Variants in NEO1 observed in about 807,000 individuals in gnomAD.
The protein encoded by NEO1 is neogenin.
A neutral mutation model predicts 159.7 loss-of-function variants in NEO1; 63 were observed. The ratio of observed to expected loss-of-function variants is 0.39; its 90% CI spans 0.32 to 0.49. The LOEUF (loss-of-function observed/expected upper bound fraction) is 0.49, where lower values mean the gene tolerates loss of function less well. Among genes scored for constraint, NEO1 ranks in the 20% least tolerant of loss-of-function variants. NEO1 has a pLI of 0.85. For synonymous variants in NEO1, 633 were observed against 662.0 expected (o/e 0.96, Z 0.67); for missense variants, 1,615 against 1,831.0 (o/e 0.88, Z 2.15).
intron 5 of NEO1, among the ~76,000 whole-genome samples, chr15:73,137,230 C>T (rs1319223298): frequency 6.6e-6 from 1 of 151,934 alleles, no homozygotes; most frequent in Non-Finnish European, 1.5e-5. Context: ...TGTATGCTAT[C>T]TCATAGATAA....
Position 73,266,114 on chromosome 15 carries a change from C to T in NEO1, c.2399-202C>T, listed in dbSNP as rs144166696. Among the ~76,000 whole-genome samples, 771 of 152,276 alleles carry T rather than the reference C, an allele frequency of 5.1e-3. 3 individuals are homozygous for T. The highest frequency in any genetic ancestry group is 7.9e-3 in the African/African-American group (328 of 41,548). ...CCACCTCCTCTACTGAGACTAAATC[C>T]GGGAAGTTGGTCCCAGCCAGTTTTT... On this transcript the variant is annotated intron_variant, in intron 15 of 28. Coordinates refer to ENST00000261908, the MANE Select transcript of NEO1 (RefSeq NM_002499.4).
At chr15:73,127,054 A>AC (rs1335053679) in intron 4 of NEO1, among the ~76,000 whole-genome samples, 1 of 151,936 alleles carries the variant, frequency 6.6e-6, no homozygotes, top group African/African-American at 2.4e-5. Flanking sequence ...ACACGGTGAA[A>AC]CCCCGTCTCT....
At chr15:73,271,920 A>C (rs995769795) in intron 18 of NEO1, among the ~76,000 whole-genome samples, 2 of 152,046 alleles carry the variant, frequency 1.3e-5, no homozygotes, top group Non-Finnish European at 2.9e-5. Flanking sequence ...AAAAAAAAAA[A>C]AAAAACAGCT....
intron 28 of NEO1, 127 bp downstream of exon 28, chr15:73,301,584 T>A (rs773286481): frequency 2.2e-5 from 27 of 1,234,154 alleles, no homozygotes; most frequent in Admixed American, 6.6e-5. Flanking sequence ...GCAGATACAC[T>A]CATTCATTCA....
At chr15:73,142,653 G>T (rs972618138) in intron 5 of NEO1, among the ~76,000 whole-genome samples, 1 of 152,104 alleles carries the variant, frequency 6.6e-6, no homozygotes, top group African/African-American at 2.4e-5. Flanking sequence ...ACTGATGGAG[G>T]CAAAGGCTCC....
At chr15:73,142,560 G>A (rs2032494341) in intron 5 of NEO1, among the ~76,000 whole-genome samples, 2 of 151,984 alleles carry the variant, frequency 1.3e-5, no homozygotes, top group South Asian at 4.2e-4. Flanking sequence ...CTGGCCCAGG[G>A]ACAGATACCT....
chr15:73,175,434 C>T (rs1360423670), intron 5 of NEO1, among the ~76,000 whole-genome samples: 4 of 152,120 alleles, frequency 2.6e-5, no homozygotes, highest in African/African-American at 9.7e-5. Flanking sequence ...AGAAATCAGA[C>T]TTAAATAGAG....
chr15:73,205,391 G>T (rs1242438504), intron 7 of NEO1, among the ~76,000 whole-genome samples: 1 of 152,136 alleles, frequency 6.6e-6, no homozygotes, highest in Non-Finnish European at 1.5e-5. Flanking sequence ...CTCTAGCTGG[G>T]ATAAGCTTTC....
rs746535144 is a variant in NEO1, at chr15:73,122,810, C to G, written c.724+10C>G. On this transcript the variant is annotated intron_variant, in intron 3 of 28. Transcript: ENST00000261908. ...TTGAAGGTTCTTCCAGGTATTAACT[C>G]ATTATCAGGACTGATGGTTTTATGT... 8.1e-6 allele frequency: 13 copies of G among 1,613,328 alleles called. No individual in the cohort carries two copies. The highest frequency in any genetic ancestry group is 1.1e-5 in the Non-Finnish European group (13 of 1,179,474).
intron 5 of NEO1, among the ~76,000 whole-genome samples, chr15:73,160,753 AC>A (rs2034115254): frequency 6.6e-6 from 1 of 152,138 alleles, no homozygotes; most frequent in South Asian, 2.1e-4. Context: ...TCTGGGAACC[AC>A]CCTTCAGGAA....
chr15:73,235,334 T>C (rs1567558340), intron 7 of NEO1, among the ~76,000 whole-genome samples: 1 of 152,216 alleles, frequency 6.6e-6, no homozygotes. Flanking sequence ...AGATTAAACT[T>C]GTACTCTCTA....
chr15:73,105,505 A>T (rs1249254120), intron 1 of NEO1, among the ~76,000 whole-genome samples: 1 of 152,242 alleles, frequency 6.6e-6, no homozygotes, highest in African/African-American at 2.4e-5. Flanking sequence ...AAATTAACTC[A>T]GTAATGCTGT....
chr15:73,202,836 A>G (rs1620369), intron 7 of NEO1, among the ~76,000 whole-genome samples: 128,964 of 152,096 alleles, frequency 0.85, 56,103 homozygotes, highest in Non-Finnish European at 0.94. Flanking sequence ...TTCTATGATC[A>G]GGACTATTCT....
Position 73,292,942 on chromosome 15 carries a change from T to C in NEO1, c.3743-448T>C, listed in dbSNP as rs28371914. On this transcript the variant is annotated intron_variant, in intron 25 of 28. Coordinates refer to ENST00000261908, the MANE Select transcript of NEO1 (RefSeq NM_002499.4). ...GAATGTACTCGAAAAAGAAGGGACT[T>C]CTTTCTATCCTTTTAGCAGGACAAA... 5.5e-3 allele frequency among the ~76,000 whole-genome samples: 833 copies of C among 152,344 alleles called. 9 individuals are homozygous for C. Among genetic ancestry groups the C allele is most frequent in the African/African-American group, 0.019 (786 of 41,590 alleles).
chr15:73,283,071 G>C lies in NEO1; in HGVS notation c.3370G>C (p.Ala1124Pro). ...VITIVVVVII[A>P]VFCTRRTTSH... ...CACCATCGTGGTGGTTGTGATTATC[G>C]CTGTCTTTTGTACCCGTCGTACCAC... The change falls in exon 23 of 29, where the codon GCT becomes CCT. Residue 1124 changes from alanine (A) to proline (P), a missense_variant. Ala to Pro is a conservative substitution (Grantham distance 27). Transcript: ENST00000261908. 6.2e-7 allele frequency: 1 copy of C among 1,614,074 alleles called. No homozygotes were observed. The highest frequency in any genetic ancestry group is 8.5e-7 in the Non-Finnish European group (1 of 1,180,014).
At chr15:73,052,176 G>A (rs1320538271), upstream of NEO1, among the ~76,000 whole-genome samples, 1 of 149,688 alleles carries the variant, frequency 6.7e-6, no homozygotes, top group Non-Finnish European at 1.5e-5. Context: ...AGGGGGAGGG[G>A]AGCGGGCCCG....
intron 3 of NEO1, among the ~76,000 whole-genome samples, chr15:73,125,031 A>C (rs2029996350): frequency 6.6e-6 from 1 of 152,214 alleles, no homozygotes; most frequent in Admixed American, 6.5e-5. Flanking sequence ...ATACTTCTCA[A>C]CACCTAGGGT....
At chr15:73,115,626 T>G (rs1227611434) in intron 1 of NEO1, among the ~76,000 whole-genome samples, 1 of 152,186 alleles carries the variant, frequency 6.6e-6, no homozygotes, top group African/African-American at 2.4e-5. Flanking sequence ...TCTCTGATTT[T>G]TCACATGAAG....
At chr15:73,056,736 A>G (rs1178062454) in intron 1 of NEO1, among the ~76,000 whole-genome samples, 4 of 151,962 alleles carry the variant, frequency 2.6e-5, no homozygotes, top group African/African-American at 4.8e-5. Flanking sequence ...CACTCTTCAC[A>G]TTACTTAGTT....
Sources: gnomAD v4.1 joint callset for allele counts (sites outside exome capture counted in the v4.1 genomes callset) on GRCh38, gnomAD v4.1.1 for gene constraint, MANE v1.5 for transcripts, NCBI Gene and HGNC (gene_info 2026-07-23, HGNC 2026-07-21) for gene names.